The following KCNK2 variants were observed in gnomAD, a reference collection of about 807,000 sequenced individuals.
KCNK2 encodes potassium two pore domain channel subfamily K member 2, also known as potassium channel subfamily K member 2.
A neutral mutation model predicts 40.5 loss-of-function variants in KCNK2; 21 were observed. That is an observed-to-expected ratio of 0.52 (90% CI 0.37 to 0.75). The LOEUF is 0.75. Ranked by LOEUF, KCNK2 falls within the 30% of genes least tolerant of loss-of-function variation. The pLI, the probability that KCNK2 is intolerant of heterozygous loss-of-function variation, is 0.00. For missense variants in KCNK2, 399 were observed against 531.6 expected (o/e 0.75, Z 2.45); for synonymous variants, 191 against 202.2 (o/e 0.94, Z 0.47).
At chr1:215,102,692 C>A (rs1312665081) in intron 2 of KCNK2, among the ~76,000 whole-genome samples, 1 of 142,806 alleles carries the variant, frequency 7.0e-6, no homozygotes, top group Non-Finnish European at 1.6e-5. Flanking sequence ...ATGGTAGATG[C>A]CCTATACCAG....
At chr1:215,102,114 A>G (rs1362668711) in intron 2 of KCNK2, among the ~76,000 whole-genome samples, 2 of 152,010 alleles carry the variant, frequency 1.3e-5, no homozygotes, top group Admixed American at 6.6e-5. Flanking sequence ...TAATATATAA[A>G]TAAGTTAACT....
intron 5 of KCNK2, among the ~76,000 whole-genome samples, chr1:215,179,859 G>A (rs552709061): frequency 1.3e-5 from 2 of 152,090 alleles, no homozygotes; most frequent in Non-Finnish European, 2.9e-5. Flanking sequence ...GGAGTATTCT[G>A]TAGATGTCTG....
chr1:215,024,007 G>C (rs1213513132), intron 1 of KCNK2, among the ~76,000 whole-genome samples: 2 of 152,176 alleles, frequency 1.3e-5, no homozygotes, highest in African/African-American at 4.8e-5. Context: ...AATCCAGCAG[G>C]GTGCAGAAGT....
At chr1:215,206,323 AATTT>A (rs1449079869) in intron 6 of KCNK2, among the ~76,000 whole-genome samples, 5 of 152,266 alleles carry the variant, frequency 3.3e-5, no homozygotes, top group African/African-American at 2.4e-5. Context: ...TTATTTTTGA[AATTT>A]ATTAAGTTGA....
At chr1:215,052,576 G>A (rs1658027785) in intron 1 of KCNK2, among the ~76,000 whole-genome samples, 1 of 152,082 alleles carries the variant, frequency 6.6e-6, no homozygotes, top group South Asian at 2.1e-4. Flanking sequence ...ACATTTTTTG[G>A]TGATAACTGT....
chr1:215,154,116 G>A (rs1295256469), intron 3 of KCNK2, among the ~76,000 whole-genome samples: 1 of 152,114 alleles, frequency 6.6e-6, no homozygotes, highest in African/African-American at 2.4e-5. Flanking sequence ...ACCCAGTAAT[G>A]GAATTGCTGG....
intron 1 of KCNK2, among the ~76,000 whole-genome samples, chr1:215,027,655 C>A (rs2841597): frequency 6.6e-6 from 1 of 151,988 alleles, no homozygotes; most frequent in African/African-American, 2.4e-5. Flanking sequence ...TTCACATGTA[C>A]ATTCCTCCGT....
Position 215,083,217 on chromosome 1 carries a change from T to A in KCNK2, c.-169T>A. 3 of 556,610 alleles carry A rather than the reference T, an allele frequency of 5.4e-6. No homozygotes were observed. The highest frequency in any genetic ancestry group is 7.4e-5 in the East Asian group (1 of 13,460). 34.5% of individuals were successfully genotyped at this position (556,610 alleles called of 1,614,324 possible). On this transcript the variant is annotated 5_prime_UTR_variant, in exon 1 of 7. Coordinates refer to ENST00000444842, the MANE Select transcript of KCNK2 (RefSeq NM_001017425.3). ...GCTCCCCCCCCCGCCCCCTCCCGCG[T>A]CCAGCCCCGCTCTCCCCACCTTGTA...
chr1:215,095,628 T>C (rs1329876698), intron 2 of KCNK2, among the ~76,000 whole-genome samples: 6 of 152,068 alleles, frequency 3.9e-5, no homozygotes, highest in Non-Finnish European at 7.4e-5. Flanking sequence ...ATGGCCTCTT[T>C]AGAAGCGATG....
chr1:215,082,776 G>GGA lies in KCNK2; in HGVS notation c.-606_-605dup, dbSNP rs1659219187. Among the ~76,000 whole-genome samples, 1 of 152,102 alleles carries GGA rather than the reference G, an allele frequency of 6.6e-6. No individual in the cohort carries two copies. Among genetic ancestry groups the GGA allele is most frequent in the South Asian group, 2.1e-4 (1 of 4,834 alleles). On this transcript the variant is annotated 5_prime_UTR_variant, in exon 1 of 7. Coordinates refer to ENST00000444842, the MANE Select transcript of KCNK2 (RefSeq NM_001017425.3). Reference sequence around the variant, plus strand: ...GGGGCGACAGGAGCGAGCCGGGAAGGGAGAGCAGCGGAGGGCTGCAGAGCT... The same window carrying GGA: ...GGGGCGACAGGAGCGAGCCGGGAAGGGAGAGAGCAGCGGAGGGCTGCAGAGCT...
chr1:215,217,058 T>G lies in KCNK2; in HGVS notation c.964-17770T>G, dbSNP rs73080096. ...CTAACTGCAGGGACAATGACATAAA[T>G]GTATCAATACACATTACTTATTTTT... On this transcript the variant is annotated intron_variant, in intron 6 of 6. Coordinates refer to ENST00000444842, the MANE Select transcript of KCNK2 (RefSeq NM_001017425.3). Among the ~76,000 whole-genome samples, 606 of 152,346 alleles carry G rather than the reference T, an allele frequency of 4.0e-3. 4 individuals are homozygous for G. The highest frequency in any genetic ancestry group is 0.014 in the African/African-American group (593 of 41,590).
chr1:215,022,727 C>T (rs1243512707), intron 1 of KCNK2, among the ~76,000 whole-genome samples: 3 of 152,106 alleles, frequency 2.0e-5, no homozygotes, highest in African/African-American at 7.2e-5. Context: ...TGGCCCTTTC[C>T]CAAAACACCA....
chr1:215,137,703 A>G (rs1255502249), intron 3 of KCNK2, among the ~76,000 whole-genome samples: 1 of 152,240 alleles, frequency 6.6e-6, no homozygotes. Context: ...GATGAATGAT[A>G]ATAATTGCAC....
chr1:215,061,180 A>G (rs1472280140), intron 1 of KCNK2, among the ~76,000 whole-genome samples: 1 of 152,144 alleles, frequency 6.6e-6, no homozygotes, highest in Non-Finnish European at 1.5e-5. Flanking sequence ...AAATGGTAAT[A>G]TGTTAACTAG....
At chr1:215,097,737 A>G (rs1390869834) in intron 2 of KCNK2, among the ~76,000 whole-genome samples, 1 of 151,998 alleles carries the variant, frequency 6.6e-6, no homozygotes, top group Non-Finnish European at 1.5e-5. Context: ...GAATTTGAAG[A>G]TGAGCAACAG....
intron 1 of KCNK2, among the ~76,000 whole-genome samples, chr1:215,050,590 T>C (rs1657953011): frequency 1.3e-5 from 2 of 152,158 alleles, no homozygotes; most frequent in Non-Finnish European, 2.9e-5. Flanking sequence ...AAAAGTTTGA[T>C]GTACCAGATA....
chr1:215,158,232 C>A (rs954163755), intron 3 of KCNK2, among the ~76,000 whole-genome samples: 1 of 152,114 alleles, frequency 6.6e-6, no homozygotes, highest in Admixed American at 6.6e-5. Flanking sequence ...AGGGACTTGT[C>A]CCACATCCAG....
At chr1:215,144,739 G>A (rs917550252) in intron 3 of KCNK2, among the ~76,000 whole-genome samples, 1 of 152,062 alleles carries the variant, frequency 6.6e-6, no homozygotes, top group African/African-American at 2.4e-5. Context: ...ACCTCAGTTC[G>A]TGGTGGTTTA....
rs568367496 is a variant in KCNK2 at position 215,190,603 on chromosome 1, T to C, written c.824-4350T>C. Among the ~76,000 whole-genome samples, 5 of 152,310 alleles carry C rather than the reference T, an allele frequency of 3.3e-5. No homozygotes were observed. In the East Asian group the frequency reaches 9.7e-4, roughly 29 times the overall value. On this transcript the variant is annotated intron_variant, in intron 5 of 6. Transcript: ENST00000444842. ...CCATTTTAAAGTGGGATACTTACTG[T>C]TGGGATTTCAAGGAGCCCATACAAA...
Sources: gnomAD v4.1 joint callset for allele counts (sites outside exome capture counted in the v4.1 genomes callset) on GRCh38, gnomAD v4.1.1 for gene constraint, MANE v1.5 for transcripts, NCBI Gene and HGNC (gene_info 2026-07-23, HGNC 2026-07-21) for gene names.